The following SLC26A5 variants were observed in gnomAD, a reference collection of about 807,000 sequenced individuals.
SLC26A5 encodes the protein solute carrier family 26 member 5, also known as prestin.
Under a neutral mutation model 81.0 loss-of-function variants are expected in SLC26A5, and 51 were observed. The ratio of observed to expected loss-of-function variants is 0.63; its 90% CI spans 0.50 to 0.80. The LOEUF is 0.80. Ranked by LOEUF, SLC26A5 falls within the 30% of genes least tolerant of loss-of-function variation. SLC26A5 has a pLI of 0.00. For synonymous variants in SLC26A5, 325 were observed against 332.8 expected, an observed-to-expected ratio of 0.98 and a Z score of 0.25; for missense variants, 771 against 905.8, an observed-to-expected ratio of 0.85 and a Z score of 1.91.
intron 2 of SLC26A5, among the ~76,000 whole-genome samples, chr7:103,439,586 T>G (rs1475031437): frequency 2.0e-5 from 3 of 152,068 alleles, no homozygotes. Flanking sequence ...CAGGCTGGAG[T>G]GCAGTGGTGC....
At chr7:103,443,308 A>G (rs920884709) in intron 1 of SLC26A5, 97 bp from the exon 2 acceptor site, 1 of 152,228 alleles carries the variant, frequency 6.6e-6, no homozygotes, top group Admixed American at 6.5e-5. Flanking sequence ...CTCTCCTTTC[A>G]TTCCTAATAC....
chr7:103,356,979 TCTCACTTTTATTTATTCA>T (rs2116173448), intron 19 of SLC26A5, among the ~76,000 whole-genome samples: 1 of 152,332 alleles, frequency 6.6e-6, no homozygotes, highest in South Asian at 2.1e-4. Context: ...TTCCATCTTT[TCTCACTTTTATTTATTCA>T]CTCACTTTTT....
At chr7:103,376,325 C>T (rs1821350117) in intron 19 of SLC26A5, among the ~76,000 whole-genome samples, 1 of 152,152 alleles carries the variant, frequency 6.6e-6, no homozygotes, top group South Asian at 2.1e-4. Context: ...ATCCATCTGC[C>T]TTGGCCTCCC....
At position 103,407,839 on chromosome 7, in the gene SLC26A5, AAGGTGACTT is replaced by A. The variant is rs1824176794; in HGVS notation, c.888+3_888+11del. Reference sequence around the variant, plus strand: ...TAGAAGCCGAGTAGGTCACTGACCGAAGGTGACTTACCGCAAAGAACTCTAAAGGAATAG... The same window carrying A: ...TAGAAGCCGAGTAGGTCACTGACCGAACCGCAAAGAACTCTAAAGGAATAG... On this transcript the variant is annotated splice_donor_5th_base_variant and intron_variant, in intron 8 of 19. Coordinates refer to ENST00000306312, the MANE Select transcript of SLC26A5 (RefSeq NM_198999.3). The A allele has an allele frequency of 6.2e-7, 1 of 1,613,984 alleles. No individual in the cohort carries two copies. The highest frequency in any genetic ancestry group is 8.5e-7 in the Non-Finnish European group (1 of 1,179,932).
In SLC26A5 at chr7:103,391,701, C is replaced by T. The variant is rs780646345; in HGVS notation, c.1154G>A (p.Gly385Asp). 6.2e-7 allele frequency: 1 copy of T among 1,614,050 alleles called. No homozygotes were observed. Among genetic ancestry groups the T allele is most frequent in the Admixed American group, 1.7e-5 (1 of 59,998 alleles). Reference sequence around the variant, plus strand: ...AATTGAAAAGGTCTGGAAGAGTGAGCCAATGGAATTGCACAGTCCCAGGGC... The same window carrying T: ...AATTGAAAAGGTCTGGAAGAGTGAGTCAATGGAATTGCACAGTCCCAGGGC... ...LIALGLCNSI[G>D]SLFQTFSISC... is the part of the protein sequence containing the mutation. The change falls in exon 11 of 20, where the codon GGC (glycine) becomes GAC (aspartate). Residue 385 changes from glycine (G) to aspartate (D), a missense_variant. Coordinates refer to ENST00000306312, the MANE Select transcript of SLC26A5 (RefSeq NM_198999.3).
chr7:103,363,754 G>A (rs1022755560), intron 19 of SLC26A5, among the ~76,000 whole-genome samples: 7 of 152,164 alleles, frequency 4.6e-5, no homozygotes, highest in African/African-American at 1.2e-4. Context: ...AAAAGACATC[G>A]AGAAGAAAGG....
chr7:103,363,245 G>T (rs900532878), intron 19 of SLC26A5: 4 of 904,512 alleles, frequency 4.4e-6, no homozygotes, highest in Middle Eastern at 2.2e-4. Context: ...ATTCTCACTT[G>T]TGAGTTTTTC....
chr7:103,395,809 G>A (rs1176982492), intron 9 of SLC26A5, among the ~76,000 whole-genome samples: 3 of 151,874 alleles, frequency 2.0e-5, no homozygotes, highest in Non-Finnish European at 4.4e-5. Flanking sequence ...GTCTGCCACC[G>A]TGCCCGGCCA....
At chr7:103,399,878 T>C (rs1388528745) in intron 8 of SLC26A5, among the ~76,000 whole-genome samples, 1 of 152,218 alleles carries the variant, frequency 6.6e-6, no homozygotes, top group East Asian at 1.9e-4. Context: ...GCTTCATCCA[T>C]GTCCCTGCAA....
intron 7 of SLC26A5, 81 bp from the exon 8 acceptor site, chr7:103,408,084 C>T: frequency 6.4e-7 from 1 of 1,556,264 alleles, no homozygotes; most frequent in Non-Finnish European, 8.8e-7. Context: ...CACTAATTCA[C>T]ACCAGCCATT....
chr7:103,437,645 T>C (rs1240596910), intron 2 of SLC26A5, among the ~76,000 whole-genome samples: 1 of 152,152 alleles, frequency 6.6e-6, no homozygotes, highest in Non-Finnish European at 1.5e-5. Flanking sequence ...TATGGATGAA[T>C]CTGGAGGATA....
In SLC26A5 at chr7:103,407,570, A is replaced by T. The variant is rs75113911; in HGVS notation, c.888+281T>A. ...CTCATTACAAAACAATTAGCCAATA[A>T]AAATTTGAGGAGAAAATCCTCCATA... On this transcript the variant is annotated intron_variant, in intron 8 of 19. Transcript: ENST00000306312. Among the ~76,000 whole-genome samples the T allele has an allele frequency of 8.9e-3, 1,361 of 152,316 alleles. 13 individuals are homozygous for T. The highest frequency in any genetic ancestry group is 0.026 in the South Asian group (124 of 4,828).
At chr7:103,369,139 A>ATACT (rs946989916) in intron 19 of SLC26A5, 2 of 152,246 alleles carry the variant, frequency 1.3e-5, no homozygotes, top group African/African-American at 4.8e-5. Flanking sequence ...TTGCACTGAA[A>ATACT]TACTTAAAAT....
intron 17 of SLC26A5, among the ~76,000 whole-genome samples, chr7:103,378,014 TCTC>T (rs749998409): frequency 5.9e-5 from 9 of 152,156 alleles, no homozygotes; most frequent in Admixed American, 2.6e-4. Context: ...TCTTTTTCCT[TCTC>T]CTCCTTTTTT....
intron 13 of SLC26A5, 77 bp from the exon 14 acceptor site, chr7:103,389,191 A>G (rs1213784245): frequency 8.2e-7 from 1 of 1,219,678 alleles, no homozygotes; most frequent in Non-Finnish European, 1.2e-6. Flanking sequence ...GTGTGCACAC[A>G]CACACATGCT....
At chr7:103,355,099 C>T (rs1392336556) in intron 19 of SLC26A5, 5 of 640,396 alleles carry the variant, frequency 7.8e-6, no homozygotes, top group East Asian at 5.5e-5. Flanking sequence ...TCTCATTTAA[C>T]CATATCTTTC....
At chr7:103,395,522 AAT>A (rs1563538041) in intron 9 of SLC26A5, among the ~76,000 whole-genome samples, 2,345 of 96,732 alleles carry the variant, frequency 0.024, 71 homozygotes, top group African/African-American at 0.078. Context: ...TATATATATA[AAT>A]TTTTTTTTTT....
intron 1 of SLC26A5, among the ~76,000 whole-genome samples, chr7:103,444,891 T>C (rs1827166523): frequency 6.6e-6 from 1 of 152,206 alleles, no homozygotes; most frequent in Non-Finnish European, 1.5e-5. Context: ...TACAAAGCAA[T>C]ACTACCGTAA....
chr7:103,422,938 C>T (rs971349675), intron 2 of SLC26A5, among the ~76,000 whole-genome samples: 1 of 151,852 alleles, frequency 6.6e-6, no homozygotes, highest in Non-Finnish European at 1.5e-5. Flanking sequence ...AGTGAAAACT[C>T]AGGTTTTCAT....
Sources: gnomAD v4.1 joint callset for allele counts (sites outside exome capture counted in the v4.1 genomes callset) on GRCh38, gnomAD v4.1.1 for gene constraint, MANE v1.5 for transcripts, NCBI Gene and HGNC (gene_info 2026-07-23, HGNC 2026-07-21) for gene names.